Variants in WDR72 observed in about 807,000 individuals in gnomAD.
WDR72 encodes the protein WD repeat-containing protein 72.
WDR72 carries 120 observed loss-of-function variants against 124.2 expected under a neutral mutation model. That is an observed-to-expected ratio of 0.97 (90% CI 0.83 to 1.12). The LOEUF (loss-of-function observed/expected upper bound fraction) is 1.12, where lower values mean the gene tolerates loss of function less well. Ranked by LOEUF, WDR72 falls within the 50% of genes most tolerant of loss-of-function variation. The probability of loss-of-function intolerance (pLI) is 0.00; values close to 1 mark genes in which losing one functional copy is unlikely to be tolerated. For synonymous variants in WDR72, 452 were observed against 441.7 expected (o/e 1.02, Z -0.29); for missense variants, 1,387 against 1,278.8 (o/e 1.08, Z -1.29).
At chr15:53,569,719 T>C (rs1448827241) in intron 18 of WDR72, among the ~76,000 whole-genome samples, 6 of 152,070 alleles carry the variant, frequency 3.9e-5, no homozygotes, top group African/African-American at 1.2e-4. Flanking sequence ...CTCAGAGTAC[T>C]GAGGTTTGCT....
intron 9 of WDR72, among the ~76,000 whole-genome samples, chr15:53,707,777 T>G (rs1471688446): frequency 1.3e-5 from 2 of 152,178 alleles, no homozygotes; most frequent in Non-Finnish European, 2.9e-5. Context: ...GAGGGCACTT[T>G]GGTGTCTTAC....
At chr15:53,599,143 A>T (rs2012924471) in intron 17 of WDR72, among the ~76,000 whole-genome samples, 1 of 152,108 alleles carries the variant, frequency 6.6e-6, no homozygotes, top group Non-Finnish European at 1.5e-5. Flanking sequence ...TCTGAGATAC[A>T]TATATATTAA....
intron 1 of WDR72, among the ~76,000 whole-genome samples, chr15:53,755,404 A>T (rs948705785): frequency 1.3e-5 from 2 of 152,348 alleles, no homozygotes; most frequent in East Asian, 3.9e-4. Flanking sequence ...TTTTATTTTC[A>T]ATTTTAAATA....
At chr15:53,524,870 A>G (rs931124582) in intron 18 of WDR72, among the ~76,000 whole-genome samples, 1 of 152,088 alleles carries the variant, frequency 6.6e-6, no homozygotes, top group Non-Finnish European at 1.5e-5. Context: ...CATAGAAGGT[A>G]TTCTTGAAGG....
intron 18 of WDR72, among the ~76,000 whole-genome samples, chr15:53,557,993 G>T (rs902030091): frequency 4.6e-5 from 7 of 151,948 alleles, no homozygotes; most frequent in African/African-American, 1.4e-4. Context: ...GGGTAGAGGT[G>T]ACCTCTTCCC....
intron 13 of WDR72, among the ~76,000 whole-genome samples, chr15:53,697,927 G>C (rs1054394926): frequency 6.6e-6 from 1 of 152,108 alleles, no homozygotes; most frequent in Non-Finnish European, 1.5e-5. Flanking sequence ...TCCTGCCTCA[G>C]CCTCCCGAGT....
At chr15:53,638,783 C>A (rs1033801310) in intron 14 of WDR72, among the ~76,000 whole-genome samples, 2 of 152,032 alleles carry the variant, frequency 1.3e-5, no homozygotes, top group Non-Finnish European at 2.9e-5. Flanking sequence ...GCGAGCAGAT[C>A]ACCTGAGGTC....
At chr15:53,594,229 T>C (rs1480946524) in intron 18 of WDR72, among the ~76,000 whole-genome samples, 1 of 151,830 alleles carries the variant, frequency 6.6e-6, no homozygotes, top group Non-Finnish European at 1.5e-5. Flanking sequence ...TTTGAGTATC[T>C]GTGTATAGCA....
chr15:53,580,302 A>T (rs1948129), intron 18 of WDR72, among the ~76,000 whole-genome samples: 13,431 of 152,170 alleles, frequency 0.088, 1,183 homozygotes, highest in African/African-American at 0.23. Context: ...GTCTCCAAGA[A>T]CATTAAGCAC....
chr15:53,683,241 A>G (rs2016463320), intron 13 of WDR72, among the ~76,000 whole-genome samples: 1 of 152,136 alleles, frequency 6.6e-6, no homozygotes, highest in South Asian at 2.1e-4. Flanking sequence ...GTATACACAC[A>G]TACTTAGAAG....
chr15:53,544,280 G>A (rs1293668832), intron 18 of WDR72, among the ~76,000 whole-genome samples: 10 of 131,002 alleles, frequency 7.6e-5, no homozygotes, highest in East Asian at 4.3e-4. Context: ...CTGGCAAAAC[G>A]AATCCAGCAG....
chr15:53,602,552 GT>G (rs1748254155), intron 17 of WDR72, among the ~76,000 whole-genome samples: 1 of 151,464 alleles, frequency 6.6e-6, no homozygotes, highest in South Asian at 2.1e-4. Context: ...CCAAGAGCTG[GT>G]TTTTGGAAAA....
chr15:53,698,892 A>G (rs548526880), intron 13 of WDR72, among the ~76,000 whole-genome samples: 20 of 152,218 alleles, frequency 1.3e-4, no homozygotes, highest in Non-Finnish European at 2.9e-4. Flanking sequence ...AAGCTATAAA[A>G]CAATTTACAA....
At chr15:53,521,535 T>C (rs1432982205) in intron 19 of WDR72, among the ~76,000 whole-genome samples, 1 of 152,130 alleles carries the variant, frequency 6.6e-6, no homozygotes, top group Non-Finnish European at 1.5e-5. Context: ...ACTCACTTTT[T>C]GAGTTAAGAT....
intron 13 of WDR72, among the ~76,000 whole-genome samples, chr15:53,693,030 T>C (rs2016890844): frequency 6.6e-6 from 1 of 152,158 alleles, no homozygotes. Flanking sequence ...GGATGCGGCA[T>C]ACCCCAAACC....
chr15:53,568,634 T>C (rs545222023), intron 18 of WDR72, among the ~76,000 whole-genome samples: 29 of 152,168 alleles, frequency 1.9e-4, no homozygotes, highest in African/African-American at 6.7e-4. Flanking sequence ...TTTATTTTTT[T>C]TGAAGTAAAA....
At chr15:53,662,804 C>G (rs2015650428) in intron 14 of WDR72, among the ~76,000 whole-genome samples, 1 of 152,038 alleles carries the variant, frequency 6.6e-6, no homozygotes, top group Non-Finnish European at 1.5e-5. Flanking sequence ...GTGGTTCACA[C>G]CTCTCACACC....
rs531684214 is a variant in WDR72 at position 53,669,210 on chromosome 15, T to C, written c.1766-3442A>G. Among the ~76,000 whole-genome samples, 16 of 152,202 alleles carry C rather than the reference T, an allele frequency of 1.1e-4. No individual in the cohort carries two copies. In the South Asian group the frequency reaches 3.1e-3, roughly 30 times the overall value. On this transcript the variant is annotated intron_variant, in intron 13 of 19. Transcript: ENST00000360509. ...CACTTTCTTTGGCATACTCTTTGGG[T>C]AGTTTTGTAACAGCGCCTCCAGCAA... is the stretch of plus-strand genomic sequence containing the variant.
At chr15:53,573,981 A>G (rs931761139) in intron 18 of WDR72, among the ~76,000 whole-genome samples, 2 of 152,218 alleles carry the variant, frequency 1.3e-5, no homozygotes, top group African/African-American at 4.8e-5. Context: ...ACTTCTTAGT[A>G]CTTTCTAACG....
Sources: allele counts gnomAD v4.1 joint callset (sites outside exome capture counted in the v4.1 genomes callset), GRCh38; gene constraint gnomAD v4.1.1; transcripts MANE v1.5; gene names NCBI Gene and HGNC (gene_info 2026-07-23, HGNC 2026-07-21).